The following EPCAM variants were observed in gnomAD, a reference collection of about 807,000 sequenced individuals.
The protein encoded by EPCAM is epithelial cell adhesion molecule, also known as adenocarcinoma-associated antigen.
In EPCAM, 39 loss-of-function variants were observed where a neutral mutation model predicts 40.0. That is an observed-to-expected ratio of 0.98 (90% CI 0.76 to 1.27). The LOEUF is 1.27. Among genes scored for constraint, EPCAM ranks in the 50% most tolerant of loss-of-function variants. The pLI, the probability that EPCAM is intolerant of heterozygous loss-of-function variation, is 0.00. For synonymous variants in EPCAM, 168 were observed against 132.3 expected (o/e 1.27, Z -1.85); for missense variants, 503 against 381.2 (o/e 1.32, Z -2.66).
intron 1 of EPCAM, 72 bp downstream of exon 1, chr2:47,369,653 C>T: frequency 6.9e-7 from 1 of 1,447,222 alleles, no homozygotes; most frequent in Non-Finnish European, 9.5e-7. Flanking sequence ...GCCCTCGGCC[C>T]CCGAAACGGG....
At position 47,373,570 on chromosome 2, in the gene EPCAM, C is replaced by T. The variant is rs373605377; in HGVS notation, c.184C>T (p.Leu62=). Residue 62 remains leucine (L), a splice_region_variant and synonymous_variant, in exon 2 of 9, where the codon CTG becomes TTG. Coordinates refer to ENST00000263735, the MANE Select transcript of EPCAM (RefSeq NM_002354.3). ...ACAAAATACTGTCATTTGCTCAAAGCGTGAGTAAAATATCCTAATTACCTG... is the reference window on the plus strand; with the variant it reads ...ACAAAATACTGTCATTTGCTCAAAGTGTGAGTAAAATATCCTAATTACCTG... ...GAQNTVICSK[L]AAKCLVMKAE... 3.1e-6 allele frequency: 5 copies of T among 1,597,902 alleles called. No individual in the cohort carries two copies. Among genetic ancestry groups the T allele is most frequent in the African/African-American group, 2.7e-5 (2 of 74,538 alleles).
chr2:47,378,990 A>C lies in EPCAM; in HGVS notation c.593A>C (p.Asn198Thr). ...NNVITIDLVQ[N>T]SSQKTQNDVD... ...GTTATCACTATTGATCTGGTTCAAAATTCTTCTCAAAAAACTCAGAATGAT... is the reference window on the plus strand; with the variant it reads ...GTTATCACTATTGATCTGGTTCAAACTTCTTCTCAAAAAACTCAGAATGAT... The change falls in exon 6 of 9, where the codon AAT becomes ACT. Residue 198 changes from asparagine (N) to threonine (T), a missense_variant. Transcript: ENST00000263735. The C allele has an allele frequency of 6.2e-7, 1 of 1,602,046 alleles. No individual in the cohort carries two copies. The highest frequency in any genetic ancestry group is 1.1e-5 in the South Asian group (1 of 90,862).
intron 7 of EPCAM, among the ~76,000 whole-genome samples, chr2:47,382,996 CTT>C (rs879299944): frequency 7.0e-6 from 1 of 142,510 alleles, no homozygotes; most frequent in Non-Finnish European, 1.5e-5. Context: ...AAATTTCTTT[CTT>C]TTTTTTTTTT....
chr2:47,378,459 C>T (rs1260456040), intron 5 of EPCAM, among the ~76,000 whole-genome samples: 3 of 151,830 alleles, frequency 2.0e-5, no homozygotes, highest in Admixed American at 1.3e-4. Flanking sequence ...TGTGTCACCA[C>T]GCCTGGCTAA....
At chr2:47,382,010 C>A (rs1671605809) in intron 7 of EPCAM, among the ~76,000 whole-genome samples, 1 of 152,128 alleles carries the variant, frequency 6.6e-6, no homozygotes, top group East Asian at 1.9e-4. Flanking sequence ...TCAAGCAGTT[C>A]TTTTGGCTTA....
chr2:47,384,708 A>G (rs1671692407), intron 7 of EPCAM, among the ~76,000 whole-genome samples: 1 of 150,772 alleles, frequency 6.6e-6, no homozygotes, highest in Non-Finnish European at 1.5e-5. Flanking sequence ...CGCCCAGCCC[A>G]CCTTATTTAT....
rs751352456 is a variant in EPCAM at position 47,375,244 on chromosome 2, A to G, written c.436A>G (p.Ile146Val). The G allele has an allele frequency of 2.5e-6, 4 of 1,609,950 alleles. No individual in the cohort carries two copies. Among genetic ancestry groups the G allele is most frequent in the Non-Finnish European group, 2.6e-6 (3 of 1,176,350 alleles). Residue 146 changes from isoleucine to valine, a missense_variant, in exon 4 of 9, where the codon ATT becomes GTT. Ile to Val is a conservative substitution (Grantham distance 29). Transcript: ENST00000263735. ...SERVRTYWIIIELKHKAREKP... is the reference protein window; with the variant it reads ...SERVRTYWIIVELKHKAREKP... ...CTTTTTACTTTATAGCTGGATCATC[A>G]TTGAACTAAAACACAAAGCAAGAGA...
intron 1 of EPCAM, among the ~76,000 whole-genome samples, chr2:47,370,978 G>A (rs571958450): frequency 2.4e-4 from 37 of 152,224 alleles, no homozygotes; most frequent in African/African-American, 8.7e-4. Flanking sequence ...CTCCCAAAGT[G>A]CTGGGATTAC....
chr2:47,379,794 C>G lies in EPCAM; in HGVS notation c.683C>G (p.Ser228Cys), dbSNP rs753197812. 6.2e-7 allele frequency: 1 copy of G among 1,613,554 alleles called. No homozygotes were observed. The highest frequency in any genetic ancestry group is 1.7e-4 in the Middle Eastern group (1 of 5,836). The change falls in exon 7 of 9, where the codon TCT becomes TGT. Residue 228 changes from serine to cysteine, a missense_variant. Coordinates refer to ENST00000263735, the MANE Select transcript of EPCAM (RefSeq NM_002354.3). ...KDVKGESLFH[S>C]KKMDLTVNGE... ...GTTAAAGGTGAATCCTTGTTTCATT[C>G]TAAGAAAATGGACCTGACAGTAAAT...
chr2:47,382,252 A>G (rs1671614021), intron 7 of EPCAM, among the ~76,000 whole-genome samples: 1 of 152,234 alleles, frequency 6.6e-6, no homozygotes, highest in Non-Finnish European at 1.5e-5. Flanking sequence ...GACAACAGGT[A>G]GGGATAGACA....
intron 5 of EPCAM, among the ~76,000 whole-genome samples, chr2:47,378,299 CTT>C (rs70940676): frequency 3.3e-4 from 39 of 118,662 alleles, no homozygotes; most frequent in East Asian, 1.3e-3. Flanking sequence ...TTTTTCTTTT[CTT>C]TTTTTTTTTT....
At chr2:47,375,177 G>A in intron 3 of EPCAM, 57 bp from the exon 4 acceptor site, 1 of 1,313,034 alleles carries the variant, frequency 7.6e-7, no homozygotes, top group Non-Finnish European at 1.1e-6. Flanking sequence ...AGCTTATTAG[G>A]AAAATAGTAT....
intron 1 of EPCAM, among the ~76,000 whole-genome samples, chr2:47,370,646 C>A (rs938480078): frequency 2.6e-5 from 4 of 152,126 alleles, no homozygotes; most frequent in Admixed American, 6.6e-5. Flanking sequence ...GATCTTGACT[C>A]ATTGTAGACT....
In EPCAM at chr2:47,369,525, T is replaced by A. The variant is rs878854486; in HGVS notation, c.20T>A (p.Leu7His). 3.8e-5 allele frequency: 59 copies of A among 1,572,156 alleles called. No homozygotes were observed. The highest frequency in any genetic ancestry group is 5.0e-5 in the Non-Finnish European group (58 of 1,164,908). Residue 7 changes from leucine to histidine, a missense_variant, in exon 1 of 9, where the codon CTC becomes CAC. Leu to His is a moderately conservative substitution (Grantham distance 99). Transcript: ENST00000263735. ...CGCAGCATGGCGCCCCCGCAGGTCC[T>A]CGCGTTCGGGCTTCTGCTTGCCGCG... MAPPQV[L>H]AFGLLLAAAT...
chr2:47,374,414 T>C (rs910149183), intron 3 of EPCAM, among the ~76,000 whole-genome samples: 8 of 152,230 alleles, frequency 5.3e-5, no homozygotes, highest in African/African-American at 1.4e-4. Context: ...TATTTGCTTA[T>C]TGATTGTGTT....
In EPCAM at chr2:47,386,819, T is replaced by G; in HGVS notation, c.*206T>G. The G allele has an allele frequency of 2.3e-6, 1 of 428,948 alleles. No homozygotes were observed. The highest frequency in any genetic ancestry group is 5.6e-5 in the South Asian group (1 of 17,724). The allele number at this position is 428,948 out of a possible 1,614,324, so 26.6% of individuals were successfully genotyped here. ...GAAATTTGACCACAAGTGTCTTATA[T>G]ATGCAGATCTAATGTAAAATCCAGA... On this transcript the variant is annotated 3_prime_UTR_variant, in exon 9 of 9. Transcript: ENST00000263735.
intron 7 of EPCAM, among the ~76,000 whole-genome samples, chr2:47,384,673 C>A (rs1169023152): frequency 6.6e-6 from 1 of 151,816 alleles, no homozygotes; most frequent in African/African-American, 2.4e-5. Flanking sequence ...CCACCTCGGC[C>A]CCACAAAGTA....
intron 3 of EPCAM, 144 bp downstream of exon 3, chr2:47,374,192 C>T: frequency 1.1e-6 from 1 of 928,952 alleles, no homozygotes; most frequent in Non-Finnish European, 1.7e-6. Context: ...TCATTCCAGT[C>T]CCCCTCGCTA....
At chr2:47,372,783 C>G (rs1054024809) in intron 1 of EPCAM, among the ~76,000 whole-genome samples, 3 of 151,112 alleles carry the variant, frequency 2.0e-5, no homozygotes, top group African/African-American at 7.3e-5. Flanking sequence ...AGAAGAAAAA[C>G]AAAAAAAGGC....
Sources: gnomAD v4.1 joint callset for allele counts (sites outside exome capture counted in the v4.1 genomes callset) on GRCh38, gnomAD v4.1.1 for gene constraint, MANE v1.5 for transcripts, NCBI Gene and HGNC (gene_info 2026-07-23, HGNC 2026-07-21) for gene names.